Variants in PHF5A observed in about 807,000 individuals in gnomAD.
PHF5A encodes PHD finger protein 5A.
For synonymous variants in PHF5A, 52 were observed against 46.0 expected, an observed-to-expected ratio of 1.13 and a Z score of -0.52; for missense variants, 24 against 140.6, an observed-to-expected ratio of 0.17 and a Z score of 4.19.
At chr22:41,467,747 G>T in intron 2 of PHF5A, 133 bp from the exon 3 acceptor site, 2 of 1,088,854 alleles carry the variant, frequency 1.8e-6, no homozygotes, top group Non-Finnish European at 2.6e-6. Context: ...CCCTCCTCTT[G>T]GCATCACAAA....
chr22:41,464,032 A>G (rs187254668), intron 3 of PHF5A, among the ~76,000 whole-genome samples: 122 of 152,358 alleles, frequency 8.0e-4, no homozygotes, highest in African/African-American at 2.9e-3. Flanking sequence ...ACTTTTGGAA[A>G]ACAATGTTCA....
chr22:41,460,548 TA>T, intron 3 of PHF5A, 61 bp from the exon 4 acceptor site: 1 of 1,402,216 alleles, frequency 7.1e-7, no homozygotes, highest in Non-Finnish European at 9.9e-7. Context: ...TGACTTAAGA[TA>T]AAAAATTTAA....
chr22:41,467,734 G>C, intron 2 of PHF5A, 120 bp from the exon 3 acceptor site: 2 of 1,194,534 alleles, frequency 1.7e-6, no homozygotes, highest in South Asian at 3.0e-5. Context: ...AGTGACTTTA[G>C]GGCCCTCCTC....
intron 3 of PHF5A, among the ~76,000 whole-genome samples, chr22:41,461,222 C>T (rs2037825090): frequency 6.6e-6 from 1 of 152,026 alleles, no homozygotes; most frequent in Admixed American, 6.6e-5. Context: ...AATGGTTTAG[C>T]CATTTATCTT....
intron 3 of PHF5A, among the ~76,000 whole-genome samples, chr22:41,463,894 C>CAA (rs968281024): frequency 2.8e-5 from 4 of 144,226 alleles, no homozygotes; most frequent in African/African-American, 1.0e-4. Flanking sequence ...AACTGCGTCT[C>CAA]AAAAAAAAAA....
intron 3 of PHF5A, among the ~76,000 whole-genome samples, chr22:41,462,049 G>A (rs2037831185): frequency 6.6e-6 from 1 of 152,198 alleles, no homozygotes; most frequent in Non-Finnish European, 1.5e-5. Flanking sequence ...GGGGTACAGA[G>A]CACTACTGGC....
chr22:41,465,529 G>A (rs1042169975), intron 3 of PHF5A, among the ~76,000 whole-genome samples: 1 of 152,058 alleles, frequency 6.6e-6, no homozygotes, highest in Admixed American at 6.6e-5. Context: ...CCAAGTGCGT[G>A]AAATGAGGTA....
intron 3 of PHF5A, among the ~76,000 whole-genome samples, chr22:41,463,617 CA>C (rs11344396): frequency 0.76 from 114,136 of 149,632 alleles, 44,058 homozygotes; most frequent in East Asian, 0.94. Flanking sequence ...CCCAGCTACT[CA>C]GGGGGCTGAG....
At chr22:41,465,773 G>A (rs1452152928) in intron 3 of PHF5A, among the ~76,000 whole-genome samples, 5 of 152,028 alleles carry the variant, frequency 3.3e-5, no homozygotes, top group Admixed American at 6.6e-5. Flanking sequence ...CCAGCTACTC[G>A]GGAGGCTGAG....
chr22:41,464,521 C>A (rs1025526580), intron 3 of PHF5A, among the ~76,000 whole-genome samples: 8 of 152,154 alleles, frequency 5.3e-5, no homozygotes, highest in Non-Finnish European at 1.2e-4. Flanking sequence ...TCAGAACATT[C>A]GTGTATAATG....
At chr22:41,465,072 T>C (rs993771336) in intron 3 of PHF5A, among the ~76,000 whole-genome samples, 4 of 152,200 alleles carry the variant, frequency 2.6e-5, no homozygotes, top group Admixed American at 2.6e-4. Flanking sequence ...TGAAGGTAAA[T>C]GCAAATCAGA....
At chr22:41,465,607 C>T (rs1424206778) in intron 3 of PHF5A, among the ~76,000 whole-genome samples, 2 of 151,254 alleles carry the variant, frequency 1.3e-5, no homozygotes, top group African/African-American at 2.4e-5. Flanking sequence ...TAAGGCCAGG[C>T]GTGATGGCTC....
intron 2 of PHF5A, 157 bp downstream of exon 2, chr22:41,467,967 G>T: frequency 2.8e-6 from 2 of 716,082 alleles, no homozygotes; most frequent in Non-Finnish European, 4.7e-6. Flanking sequence ...GCAAGCGGCA[G>T]TGGGGAGTTA....
chr22:41,467,325 G>T, intron 3 of PHF5A, 123 bp downstream of exon 3: 2 of 982,064 alleles, frequency 2.0e-6, no homozygotes, highest in Non-Finnish European at 2.9e-6. Context: ...AGAACTTGAA[G>T]AAATTATAAC....
At chr22:41,467,745 T>C (rs1478694289) in intron 2 of PHF5A, 131 bp from the exon 3 acceptor site, 39 of 1,100,442 alleles carry the variant, frequency 3.5e-5, no homozygotes, top group Non-Finnish European at 4.8e-5. Flanking sequence ...GGCCCTCCTC[T>C]TGGCATCACA....
Position 41,460,250 on chromosome 22 carries a change from G to A in PHF5A, c.*148C>T, listed in dbSNP as rs559200755. The stretch of plus-strand genomic sequence containing the variant: ...TCCCTACCACGTGTCTGGGTGAAGG[G>A]AGAGGAGGGGGTGGCAAGCTGCCAG... On this transcript the variant is annotated 3_prime_UTR_variant, in exon 4 of 4. Transcript: ENST00000216252. 1.7e-5 allele frequency: 10 copies of A among 602,268 alleles called. No individual in the cohort carries two copies. In the Admixed American group the frequency reaches 2.2e-4, roughly 13 times the overall value. 37.3% of individuals were successfully genotyped at this position (602,268 alleles called of 1,614,324 possible).
At position 41,463,724 on chromosome 22, in the gene PHF5A, C is replaced by CAAAAA. The variant is rs11387908; in HGVS notation, c.244-3242_244-3238dup. Among the ~76,000 whole-genome samples, 557 of 59,034 alleles carry CAAAAA rather than the reference C, an allele frequency of 9.4e-3. 61 individuals carry two copies. Among genetic ancestry groups the CAAAAA allele is most frequent in the African/African-American group, 0.038 (518 of 13,478 alleles). 38.7% of individuals were successfully genotyped at this position (59,034 alleles called of 152,430 possible). On this transcript the variant is annotated intron_variant, in intron 3 of 3. Coordinates refer to ENST00000216252, the MANE Select transcript of PHF5A (RefSeq NM_032758.4). ...TGGGAGACACAGTAAGACTCTGTCT[C>CAAAAA]AAAAAAAAAAAAAAAAAAAAAAAGC...
chr22:41,468,053 G>A, intron 2 of PHF5A, 71 bp downstream of exon 2: 2 of 1,535,102 alleles, frequency 1.3e-6, no homozygotes, highest in Non-Finnish European at 1.8e-6. Flanking sequence ...CCTCTTTGTG[G>A]CACTTTTGCT....
intron 3 of PHF5A, among the ~76,000 whole-genome samples, chr22:41,461,314 A>G (rs2037825692): frequency 6.6e-6 from 1 of 152,100 alleles, no homozygotes; most frequent in South Asian, 2.1e-4. Flanking sequence ...CCTCTATCCA[A>G]TGACTTGCAA....
Sources: gnomAD v4.1 joint callset for allele counts (sites outside exome capture counted in the v4.1 genomes callset) on GRCh38, gnomAD v4.1.1 for gene constraint, MANE v1.5 for transcripts, NCBI Gene and HGNC (gene_info 2026-07-23, HGNC 2026-07-21) for gene names.